PTPN20: variants seen among roughly 807,000 people sequenced by gnomAD.
PTPN20 encodes the protein protein tyrosine phosphatase non-receptor type 20.
PTPN20 carries 9 observed loss-of-function variants against 35.0 expected under a neutral mutation model. The ratio of observed to expected loss-of-function variants is 0.26; its 90% CI spans 0.15 to 0.45. The LOEUF is 0.45. Ranked by LOEUF, PTPN20 falls within the 20% of genes least tolerant of loss-of-function variation. The pLI, the probability that PTPN20 is intolerant of heterozygous loss-of-function variation, is 1.00. For missense variants in PTPN20, 111 were observed against 312.5 expected, an observed-to-expected ratio of 0.36 and a Z score of 4.86; for synonymous variants, 32 against 100.2, an observed-to-expected ratio of 0.32 and a Z score of 4.06.
intron 7 of PTPN20, among the ~76,000 whole-genome samples, chr10:46,980,382 TC>T (rs1259726974): frequency 0.23 from 4,447 of 19,456 alleles, 24 homozygotes; most frequent in Non-Finnish European, 0.34. Flanking sequence ...ATCTAGCAGA[TC>T]CAGTGGTGCT....
chr10:46,949,511 G>GCAA (rs2046043155), intron 5 of PTPN20, among the ~76,000 whole-genome samples: 1 of 151,898 alleles, frequency 6.6e-6, no homozygotes, highest in Admixed American at 6.6e-5. Context: ...TGGTTGCCCT[G>GCAA]CAACCTCAGC....
intron 9 of PTPN20, among the ~76,000 whole-genome samples, chr10:46,988,744 G>T (rs1164367653): frequency 1.3e-5 from 2 of 151,870 alleles, no homozygotes; most frequent in African/African-American, 4.8e-5. Context: ...CATTAGCATA[G>T]GATTATTTCC....
chr10:46,977,207 C>G (rs2053988030), intron 7 of PTPN20, among the ~76,000 whole-genome samples: 1 of 152,294 alleles, frequency 6.6e-6, no homozygotes, highest in Non-Finnish European at 1.5e-5. Flanking sequence ...CTCCAGACTG[C>G]CTTTGCACTC....
chr10:46,920,525 A>T (rs2034766108), intron 1 of PTPN20, among the ~76,000 whole-genome samples: 1 of 150,322 alleles, frequency 6.7e-6, no homozygotes, highest in Non-Finnish European at 1.5e-5. Context: ...ACAATTAAAG[A>T]CAACCCTCCA....
intron 1 of PTPN20, among the ~76,000 whole-genome samples, chr10:46,931,715 A>G (rs1555119168): frequency 7.0e-6 from 1 of 143,454 alleles, no homozygotes; most frequent in Non-Finnish European, 1.5e-5. Flanking sequence ...CCTATATCTC[A>G]AAGTTTTTAA....
chr10:46,970,354 C>CA (rs2051686124), intron 7 of PTPN20, among the ~76,000 whole-genome samples: 1 of 91,190 alleles, frequency 1.1e-5, no homozygotes, highest in Non-Finnish European at 2.2e-5. Flanking sequence ...AGATGTGCAT[C>CA]ATGACCAGTG....
At chr10:47,003,251 T>G (rs1056908551), downstream of PTPN20, among the ~76,000 whole-genome samples, 3 of 151,772 alleles carry the variant, frequency 2.0e-5, no homozygotes, top group Non-Finnish European at 4.4e-5. Flanking sequence ...CGTGATAACA[T>G]TTTTTAGAAA....
In PTPN20 at chr10:47,001,854, C is replaced by T. The variant is rs2060065528; in HGVS notation, c.*1113C>T. ...TTTTATTATAGGACTTTGCCTCGTACAATTAATAGTGATATTTTGGACAAG... is the reference window on the plus strand; with the variant it reads ...TTTTATTATAGGACTTTGCCTCGTATAATTAATAGTGATATTTTGGACAAG... On this transcript the variant is annotated 3_prime_UTR_variant, in exon 11 of 11. Transcript: ENST00000374339. 6.6e-6 allele frequency: 1 copy of T among 152,032 alleles called. No individual in the cohort carries two copies. Among genetic ancestry groups the T allele is most frequent in the African/African-American group, 2.4e-5 (1 of 41,414 alleles). 9.4% of individuals were successfully genotyped at this position (152,032 alleles called of 1,614,324 possible).
At chr10:46,997,645 A>G in intron 9 of PTPN20, among the ~76,000 whole-genome samples, 1 of 152,052 alleles carries the variant, frequency 6.6e-6, no homozygotes, top group East Asian at 1.9e-4. Flanking sequence ...CTAGAGAGTA[A>G]CTATATGCAG....
At chr10:46,995,208 T>G (rs1457123061) in intron 9 of PTPN20, among the ~76,000 whole-genome samples, 1 of 152,146 alleles carries the variant, frequency 6.6e-6, no homozygotes, top group Middle Eastern at 3.2e-3. Context: ...ATATATCTTG[T>G]ATTGATGTCT....
intron 9 of PTPN20, among the ~76,000 whole-genome samples, chr10:46,994,390 G>T (rs1232472239): frequency 1.4e-5 from 2 of 146,368 alleles, no homozygotes; most frequent in Non-Finnish European, 3.0e-5. Flanking sequence ...GTGCAGTGGC[G>T]CAATCTCGGC....
chr10:47,000,016 T>C, intron 10 of PTPN20, 42 bp downstream of exon 10: 1 of 1,611,184 alleles, frequency 6.2e-7, no homozygotes, highest in Non-Finnish European at 8.5e-7. Context: ...ATAATGAATA[T>C]AAAGATTAAC....
At chr10:46,997,122 A>G (rs1298662844) in intron 9 of PTPN20, among the ~76,000 whole-genome samples, 10 of 152,104 alleles carry the variant, frequency 6.6e-5, no homozygotes, top group African/African-American at 1.9e-4. Flanking sequence ...AAGTGTATTT[A>G]TTTAGGTCTT....
At chr10:46,938,341 T>G (rs1337052814) in intron 2 of PTPN20, among the ~76,000 whole-genome samples, 1 of 103,186 alleles carries the variant, frequency 9.7e-6, no homozygotes, top group African/African-American at 4.5e-5. Context: ...GCTCTTCACC[T>G]TTTTTATAGG....
At chr10:46,996,381 T>C (rs1210453051) in intron 9 of PTPN20, among the ~76,000 whole-genome samples, 2 of 152,260 alleles carry the variant, frequency 1.3e-5, no homozygotes, top group Non-Finnish European at 2.9e-5. Flanking sequence ...GCTTGTTTTA[T>C]AGTCAGTAAA....
At chr10:46,935,952 C>T (rs2041471018) in intron 2 of PTPN20, among the ~76,000 whole-genome samples, 1 of 150,958 alleles carries the variant, frequency 6.6e-6, no homozygotes, top group Non-Finnish European at 1.5e-5. Context: ...TGTAACCTCA[C>T]AAACATTTTT....
chr10:46,988,097 C>T (rs1375113388), intron 9 of PTPN20, among the ~76,000 whole-genome samples: 1 of 152,282 alleles, frequency 6.6e-6, no homozygotes, highest in Admixed American at 6.5e-5. Flanking sequence ...CAATAATTCA[C>T]AATCCTTTAC....
chr10:46,935,932 C>A (rs1555125410), intron 2 of PTPN20, among the ~76,000 whole-genome samples: 1 of 151,182 alleles, frequency 6.6e-6, no homozygotes, highest in Non-Finnish European at 1.5e-5. Flanking sequence ...TATAAGTGTT[C>A]CCTTTTCTCT....
intron 9 of PTPN20, among the ~76,000 whole-genome samples, chr10:46,996,486 AT>A (rs1376025534): frequency 6.6e-6 from 1 of 152,218 alleles, no homozygotes; most frequent in Non-Finnish European, 1.5e-5. Context: ...ACAGTTTTTA[AT>A]TCTGATGAGA....
Sources: gnomAD v4.1 joint callset for allele counts (sites outside exome capture counted in the v4.1 genomes callset) on GRCh38, gnomAD v4.1.1 for gene constraint, MANE v1.5 for transcripts, NCBI Gene and HGNC (gene_info 2026-07-23, HGNC 2026-07-21) for gene names.